Variants in FAM53A observed in about 807,000 individuals in gnomAD.
The protein encoded by FAM53A is protein FAM53A.
A neutral mutation model predicts 26.6 loss-of-function variants in FAM53A; 28 were observed. The observed-to-expected ratio is 1.05, with a 90% CI of 0.78 to 1.45. FAM53A has a LOEUF of 1.45. FAM53A is among the 40% of genes most tolerant of loss of function. The pLI, the probability that FAM53A is intolerant of heterozygous loss-of-function variation, is 0.00. For synonymous variants in FAM53A, 290 were observed against 253.1 expected (o/e 1.15, Z -1.38); for missense variants, 650 against 575.8 (o/e 1.13, Z -1.32).
At chr4:1,619,610 C>G (rs941200642) in intron 1 of FAM53A, among the ~76,000 whole-genome samples, 2 of 152,204 alleles carry the variant, frequency 1.3e-5, no homozygotes, top group Admixed American at 6.5e-5. Flanking sequence ...GTCTTCACCC[C>G]CCGGCCTCCC....
At chr4:1,607,561 C>G in the FAM53A span, among the ~76,000 whole-genome samples, 2 of 151,800 alleles carry the variant, frequency 1.3e-5, no homozygotes, top group East Asian at 3.9e-4. Context: ...TTCATCCATT[C>G]GGGCCTAAGT....
chr4:1,618,761 C>A (rs141559252), intron 1 of FAM53A, among the ~76,000 whole-genome samples: 1 of 152,184 alleles, frequency 6.6e-6, no homozygotes, highest in African/African-American at 2.4e-5. Context: ...ACCAGCCATG[C>A]GGGCCTGTGT....
chr4:1,651,361 A>C (rs1041747022), intron 4 of FAM53A, among the ~76,000 whole-genome samples: 1 of 151,554 alleles, frequency 6.6e-6, no homozygotes, highest in African/African-American at 2.4e-5. Flanking sequence ...GTAAAATCCT[A>C]TCTCTATTAA....
chr4:1,641,062 C>T lies in FAM53A; in HGVS notation c.*231G>A, dbSNP rs1711645214. ...GCTCACAGGAAACCTACTCTGTGCCCCAGGGCAGGTGCCGGCGGCAGCCGT... is the reference window on the plus strand; with the variant it reads ...GCTCACAGGAAACCTACTCTGTGCCTCAGGGCAGGTGCCGGCGGCAGCCGT... On this transcript the variant is annotated 3_prime_UTR_variant, in exon 5 of 5. Transcript: ENST00000308132. 1 of 562,202 alleles carries T rather than the reference C, an allele frequency of 1.8e-6. No homozygotes were observed. The highest frequency in any genetic ancestry group is 3.1e-6 in the Non-Finnish European group (1 of 326,294). 34.8% of individuals were successfully genotyped at this position (562,202 alleles called of 1,614,324 possible).
At chr4:1,604,711 A>C in the FAM53A span, among the ~76,000 whole-genome samples, 85,410 of 151,862 alleles carry the variant, frequency 0.56, 24,530 homozygotes, top group African/African-American at 0.63. Flanking sequence ...CCCGGGACTA[A>C]CATTGCTCCC....
At chr4:1,618,842 AC>A in intron 1 of FAM53A, among the ~76,000 whole-genome samples, 1 of 151,714 alleles carries the variant, frequency 6.6e-6, no homozygotes, top group South Asian at 2.1e-4. Flanking sequence ...CCAGCCCCCG[AC>A]CCCCAGCCCT....
Position 1,655,073 on chromosome 4 carries a change from A to G in FAM53A, c.787T>C (p.Cys263Arg), listed in dbSNP as rs1713201524. The change falls in exon 4 of 5, where the codon TGC becomes CGC. Residue 263 changes from cysteine to arginine, a missense_variant. By Grantham distance (180) the Cys-to-Arg change is radical. Coordinates refer to ENST00000308132, the MANE Select transcript of FAM53A (RefSeq NM_001174070.3). Reference protein sequence around the residue: ...RGLLRCRSQPCVLSGKRSRRK... With the variant: ...RGLLRCRSQPRVLSGKRSRRK... ...CGGCTCCTCTTCCCACTGAGCACGC[A>G]AGGCTGTGAGCGGCACCGGAGCAGC... is the stretch of plus-strand genomic sequence containing the variant. 1.2e-6 allele frequency: 2 copies of G among 1,601,346 alleles called. No homozygotes were observed. The highest frequency in any genetic ancestry group is 1.7e-6 in the Non-Finnish European group (2 of 1,173,930).
At position 1,641,093 on chromosome 4, in the gene FAM53A, CG is replaced by C. The variant is rs1711652568; in HGVS notation, c.*199del. 30 of 590,792 alleles carry C rather than the reference CG, an allele frequency of 5.1e-5. 3 individuals are homozygous for C. Among genetic ancestry groups the C allele is most frequent in the African/African-American group, 2.1e-4 (10 of 47,324 alleles). 36.6% of individuals were successfully genotyped at this position (590,792 alleles called of 1,614,324 possible). On this transcript the variant is annotated 3_prime_UTR_variant, in exon 5 of 5. Coordinates refer to ENST00000308132, the MANE Select transcript of FAM53A (RefSeq NM_001174070.3). Reference sequence around the variant, plus strand: ...CAGGTGCCGGCGGCAGCCGTGGCCCCGACCAGCTCACAGGAAACCTACTCTG... The same window carrying C: ...CAGGTGCCGGCGGCAGCCGTGGCCCCACCAGCTCACAGGAAACCTACTCTG...
chr4:1,609,619 G>T, the FAM53A span, among the ~76,000 whole-genome samples: 1 of 152,060 alleles, frequency 6.6e-6, no homozygotes, highest in Admixed American at 6.5e-5. Flanking sequence ...TTCCATCAGG[G>T]TTATAAGTTT....
the FAM53A span, among the ~76,000 whole-genome samples, chr4:1,594,862 G>T: frequency 6.6e-6 from 1 of 152,210 alleles, no homozygotes; most frequent in Non-Finnish European, 1.5e-5. Context: ...AATGTGTAAG[G>T]TGCTTAAGTT....
At chr4:1,660,628 C>T (rs912299024) in intron 2 of FAM53A, among the ~76,000 whole-genome samples, 1 of 152,132 alleles carries the variant, frequency 6.6e-6, no homozygotes, top group African/African-American at 2.4e-5. Context: ...GTGGCTCACG[C>T]CTGTAATCCC....
downstream of FAM53A, chr4:1,617,881 A>G (rs1277470102): frequency 5.3e-6 from 2 of 375,052 alleles, no homozygotes; most frequent in Non-Finnish European, 1.1e-5. Context: ...GAGCGCCTGC[A>G]TGTCAGGAGC....
In FAM53A at chr4:1,653,076, C is replaced by T. The variant is rs1300340306; in HGVS notation, c.882+1902G>A. On this transcript the variant is annotated intron_variant, in intron 4 of 4. Transcript: ENST00000308132. ...ACACCACCCATAGACGTCACATACA[C>T]ATCACACACCACATACACCACACAG... is the stretch of plus-strand genomic sequence containing the variant. Among the ~76,000 whole-genome samples the T allele has an allele frequency of 1.6e-4, 24 of 149,260 alleles. No individual in the cohort carries two copies. The Admixed American group carries it at 1.6e-3, about 10-fold the overall frequency.
rs781333124 is a variant in FAM53A, at chr4:1,655,350, C to T, written c.510G>A (p.Pro170=). The T allele has an allele frequency of 2.2e-5, 31 of 1,436,760 alleles. No individual in the cohort carries two copies. Among genetic ancestry groups the T allele is most frequent in the Admixed American group, 3.0e-5 (1 of 33,434 alleles). The allele number at this position is 1,436,760 out of a possible 1,614,324, so 89.0% of individuals were successfully genotyped here. A position where few individuals can be genotyped will look rare whatever the true frequency, so the allele number is the denominator to read the frequency against. Residue 170 remains proline, a synonymous_variant, in exon 4 of 5, where the codon CCG becomes CCA. Transcript: ENST00000308132. ...GACCGGTCGACCACACAGCACTCCT[C>T]GGCAGGACGGCGCCGGGGCTTCCCT... The part of the protein sequence containing the change: ...TRQGSPGAVL[P]RSAVWSTGPT...
At chr4:1,615,284 C>CA (rs1714767092), downstream of FAM53A, among the ~76,000 whole-genome samples, 5 of 41,572 alleles carry the variant, frequency 1.2e-4, no homozygotes, top group South Asian at 7.7e-4. Context: ...CTACCTGGGC[C>CA]CACACGGAAG....
intron 4 of FAM53A, among the ~76,000 whole-genome samples, chr4:1,651,602 G>A (rs938242535): frequency 4.6e-5 from 7 of 152,054 alleles, no homozygotes; most frequent in African/African-American, 1.7e-4. Context: ...TAGCCGAAGA[G>A]GGTATCAAGG....
At position 1,640,530 on chromosome 4, in the gene FAM53A, C is replaced by T. The variant is rs1238243398; in HGVS notation, c.*763G>A. On this transcript the variant is annotated 3_prime_UTR_variant, in exon 5 of 5. Transcript: ENST00000308132. Reference sequence around the variant, plus strand: ...CATCCAAAATAGAGAAGCTTTCTCCCGAACTGCAAAAGCCATAAAAATGCA... The same window carrying T: ...CATCCAAAATAGAGAAGCTTTCTCCTGAACTGCAAAAGCCATAAAAATGCA... The T allele has an allele frequency of 9.5e-6, 3 of 314,192 alleles. No individual in the cohort carries two copies. Among genetic ancestry groups the T allele is most frequent in the Admixed American group, 1.0e-4 (2 of 19,100 alleles). The allele number at this position is 314,192 out of a possible 1,614,324, so 19.5% of individuals were successfully genotyped here. A position where few individuals can be genotyped will look rare whatever the true frequency, so the allele number is the denominator to read the frequency against.
the FAM53A span, among the ~76,000 whole-genome samples, chr4:1,578,754 G>A: frequency 1.6e-4 from 22 of 140,300 alleles, no homozygotes; most frequent in African/African-American, 5.9e-4. Context: ...GGGGAGGGCA[G>A]GGCAGGGAAG....
upstream of FAM53A, among the ~76,000 whole-genome samples, chr4:1,685,284 G>A (rs1715747884): frequency 6.6e-6 from 1 of 151,994 alleles, no homozygotes; most frequent in Admixed American, 6.5e-5. Flanking sequence ...TGGGGTGGGA[G>A]GGGCCTGAGG....
Sources: gnomAD v4.1 joint callset for allele counts (sites outside exome capture counted in the v4.1 genomes callset) on GRCh38, gnomAD v4.1.1 for gene constraint, MANE v1.5 for transcripts, NCBI Gene and HGNC (gene_info 2026-07-23, HGNC 2026-07-21) for gene names.